PHF14: variants seen among roughly 807,000 people sequenced by gnomAD.
PHF14 encodes the protein PHD finger protein 14.
A neutral mutation model predicts 117.9 loss-of-function variants in PHF14; 55 were observed. The ratio of observed to expected loss-of-function variants is 0.47; its 90% CI spans 0.38 to 0.58. The LOEUF (loss-of-function observed/expected upper bound fraction) is 0.58. Among genes scored for constraint, PHF14 ranks in the 20% least tolerant of loss-of-function variants. The pLI, the probability that PHF14 is intolerant of heterozygous loss-of-function variation, is 0.00. For synonymous variants in PHF14, 409 were observed against 368.6 expected (o/e 1.11, Z -1.26); for missense variants, 978 against 1,122.2 (o/e 0.87, Z 1.84).
At chr7:11,003,003 G>A (rs1343097380) in intron 4 of PHF14, among the ~76,000 whole-genome samples, 2 of 151,918 alleles carry the variant, frequency 1.3e-5, no homozygotes, top group East Asian at 3.9e-4. Context: ...CTGGAGTGCA[G>A]TGGCATGATC....
chr7:10,980,813 C>T (rs560766854), intron 2 of PHF14, among the ~76,000 whole-genome samples: 24 of 152,206 alleles, frequency 1.6e-4, no homozygotes, highest in Admixed American at 9.8e-4. Flanking sequence ...GTGCATGTTC[C>T]ATGTTACCCT....
chr7:11,169,082 G>A (rs1019962047), intron 17 of PHF14, among the ~76,000 whole-genome samples: 3 of 151,654 alleles, frequency 2.0e-5, no homozygotes, highest in Non-Finnish European at 2.9e-5. Flanking sequence ...AAGTGTCTTA[G>A]CAATTAAATT....
intron 14 of PHF14, among the ~76,000 whole-genome samples, chr7:11,055,621 T>G (rs559599721): frequency 6.6e-6 from 1 of 152,212 alleles, no homozygotes; most frequent in Non-Finnish European, 1.5e-5. Flanking sequence ...GAAGGAGATT[T>G]AAACACATCT....
intron 17 of PHF14, among the ~76,000 whole-genome samples, chr7:11,166,372 A>G (rs1789202518): frequency 6.6e-6 from 1 of 151,502 alleles, no homozygotes; most frequent in Non-Finnish European, 1.5e-5. Context: ...ATTTTTGCTT[A>G]CCTATAATAT....
intron 4 of PHF14, among the ~76,000 whole-genome samples, chr7:11,010,572 A>G (rs1169256863): frequency 6.6e-6 from 1 of 152,026 alleles, no homozygotes; most frequent in Non-Finnish European, 1.5e-5. Context: ...TTTAATTTGT[A>G]ACTATTAATA....
intron 17 of PHF14, among the ~76,000 whole-genome samples, chr7:11,161,701 AATATT>A: frequency 6.8e-6 from 1 of 148,074 alleles, no homozygotes; most frequent in South Asian, 2.1e-4. Context: ...TTTAAATAAA[AATATT>A]ATATTTTATT....
At chr7:11,148,619 T>C (rs1257333543) in intron 17 of PHF14, among the ~76,000 whole-genome samples, 1 of 152,178 alleles carries the variant, frequency 6.6e-6, no homozygotes, top group African/African-American at 2.4e-5. Context: ...CCTGTCTCTG[T>C]TGAAATTGAA....
intron 7 of PHF14, among the ~76,000 whole-genome samples, chr7:11,031,510 T>C (rs1201117512): frequency 2.0e-5 from 3 of 150,838 alleles, no homozygotes; most frequent in East Asian, 3.9e-4. Flanking sequence ...CTCAACACTT[T>C]GGGAGGCCAA....
At chr7:11,149,583 A>G (rs574689293) in intron 17 of PHF14, among the ~76,000 whole-genome samples, 72 of 152,300 alleles carry the variant, frequency 4.7e-4, no homozygotes, top group African/African-American at 1.7e-3. Flanking sequence ...AATGCAAATT[A>G]CTTATTTAAT....
At chr7:11,168,099 A>G (rs1168920022) in intron 17 of PHF14, among the ~76,000 whole-genome samples, 1 of 152,176 alleles carries the variant, frequency 6.6e-6, no homozygotes, top group Non-Finnish European at 1.5e-5. Context: ...TAAATTTTCA[A>G]GAATCAAACT....
At chr7:10,977,317 G>A (rs1781901646) in intron 2 of PHF14, among the ~76,000 whole-genome samples, 1 of 152,020 alleles carries the variant, frequency 6.6e-6, no homozygotes, top group Non-Finnish European at 1.5e-5. Context: ...ATGAACTACG[G>A]ACTTCCTTAG....
chr7:11,137,680 G>T (rs1365321281), intron 17 of PHF14, among the ~76,000 whole-genome samples: 1 of 145,386 alleles, frequency 6.9e-6, no homozygotes, highest in Non-Finnish European at 1.5e-5. Context: ...CCTGTACCCA[G>T]GTTCAAGCGA....
At chr7:11,020,156 T>C (rs984693107) in intron 5 of PHF14, among the ~76,000 whole-genome samples, 1 of 152,118 alleles carries the variant, frequency 6.6e-6, no homozygotes, top group Non-Finnish European at 1.5e-5. Context: ...TGGCACGATA[T>C]TGGCTCACTG....
At chr7:11,115,508 G>T (rs1787571787) in intron 17 of PHF14, among the ~76,000 whole-genome samples, 2 of 151,772 alleles carry the variant, frequency 1.3e-5, no homozygotes, top group South Asian at 2.1e-4. Context: ...TTTTTCTATT[G>T]ATTTGCATCA....
intron 4 of PHF14, among the ~76,000 whole-genome samples, chr7:11,010,937 G>A (rs547141557): frequency 2.1e-4 from 32 of 152,278 alleles, no homozygotes; most frequent in African/African-American, 5.5e-4. Context: ...TTGCAGGCAT[G>A]AACTACACGC....
chr7:11,008,678 AT>A (rs1783218434), intron 4 of PHF14, among the ~76,000 whole-genome samples: 1 of 152,112 alleles, frequency 6.6e-6, no homozygotes, highest in African/African-American at 2.4e-5. Context: ...TTTGGGATAT[AT>A]TTCTGACAAG....
At chr7:11,074,826 C>CT (rs374024429) in intron 16 of PHF14, among the ~76,000 whole-genome samples, 420 of 152,238 alleles carry the variant, frequency 2.8e-3, no homozygotes, top group African/African-American at 9.7e-3. Context: ...TAACAATACT[C>CT]TAAGAAGTTC....
chr7:11,046,452 A>G (rs993034364), intron 13 of PHF14, among the ~76,000 whole-genome samples: 5 of 152,170 alleles, frequency 3.3e-5, no homozygotes, highest in African/African-American at 1.2e-4. Context: ...TCTTTATTTT[A>G]TGATGAAAAG....
chr7:11,079,958 G>C (rs117992414), intron 16 of PHF14, among the ~76,000 whole-genome samples: 3,025 of 152,132 alleles, frequency 0.02, 42 homozygotes, highest in Middle Eastern at 0.044. Context: ...TGTCACTTTT[G>C]TTGCATATTG....
Sources: gnomAD v4.1 joint callset for allele counts (sites outside exome capture counted in the v4.1 genomes callset) on GRCh38, gnomAD v4.1.1 for gene constraint, MANE v1.5 for transcripts, NCBI Gene and HGNC (gene_info 2026-07-23, HGNC 2026-07-21) for gene names.